The following GALNT13 variants were observed in gnomAD, a reference collection of about 807,000 sequenced individuals.
The protein encoded by GALNT13 is polypeptide N-acetylgalactosaminyltransferase 13.
GALNT13 carries 28 observed loss-of-function variants against 64.2 expected under a neutral mutation model. The ratio of observed to expected loss-of-function variants is 0.44; its 90% CI spans 0.32 to 0.60. The LOEUF (loss-of-function observed/expected upper bound fraction) is 0.60. Ranked by LOEUF, GALNT13 falls within the 20% of genes least tolerant of loss-of-function variation. The pLI is 0.05. For missense variants in GALNT13, 577 were observed against 669.8 expected (o/e 0.86, Z 1.53); for synonymous variants, 214 against 224.6 (o/e 0.95, Z 0.42).
At chr2:154,237,551 T>G (rs1164472317) in intron 4 of GALNT13, among the ~76,000 whole-genome samples, 3 of 147,666 alleles carry the variant, frequency 2.0e-5, no homozygotes, top group African/African-American at 7.4e-5. Context: ...ATATTATATA[T>G]AACATGTTAG....
At chr2:154,000,467 T>A (rs932342125) in intron 3 of GALNT13, among the ~76,000 whole-genome samples, 1 of 152,036 alleles carries the variant, frequency 6.6e-6, no homozygotes, top group African/African-American at 2.4e-5. Context: ...CTCATAGAAC[T>A]ATTTTTGCTG....
chr2:153,690,891 C>T, the GALNT13 span, among the ~76,000 whole-genome samples: 2 of 152,050 alleles, frequency 1.3e-5, no homozygotes, highest in Admixed American at 1.3e-4. Context: ...TAGAATAATA[C>T]CCTCCAGACC....
At chr2:153,416,224 G>A in the GALNT13 span, among the ~76,000 whole-genome samples, 3 of 152,254 alleles carry the variant, frequency 2.0e-5, no homozygotes, top group South Asian at 6.2e-4. Flanking sequence ...CTTTGAAAAA[G>A]GCAATGTCCA....
At chr2:154,449,582 A>G (rs1214775037) in intron 12 of GALNT13, among the ~76,000 whole-genome samples, 1 of 151,774 alleles carries the variant, frequency 6.6e-6, no homozygotes, top group African/African-American at 2.4e-5. Context: ...TTCATATAAT[A>G]TGATCCTAGG....
Position 154,425,620 on chromosome 2 carries a change from A to G in GALNT13, c.1396-12972A>G, listed in dbSNP as rs536726737. ...TAAGGAATGATCCAGTTGAGAAAAC[A>G]TAGGCGAATATACCATCAATAGAAA... On this transcript the variant is annotated intron_variant, in intron 11 of 12. Transcript: ENST00000392825. Among the ~76,000 whole-genome samples, 12 of 152,348 alleles carry G rather than the reference A, an allele frequency of 7.9e-5. No homozygotes were observed. The East Asian group carries it at 2.1e-3, about 27-fold the overall frequency.
the GALNT13 span, among the ~76,000 whole-genome samples, chr2:153,275,415 C>T: frequency 6.6e-6 from 1 of 152,096 alleles, no homozygotes; most frequent in African/African-American, 2.4e-5. Flanking sequence ...GGATTAGGTG[C>T]CCTTATAAAG....
chr2:153,255,606 G>A, the GALNT13 span, among the ~76,000 whole-genome samples: 68,515 of 151,552 alleles, frequency 0.45, 15,951 homozygotes, highest in Non-Finnish European at 0.5. Flanking sequence ...GGCTGGTACC[G>A]GTTGTTCCTT....
At chr2:154,435,583 A>G (rs1322519888) in intron 11 of GALNT13, among the ~76,000 whole-genome samples, 1 of 152,204 alleles carries the variant, frequency 6.6e-6, no homozygotes, top group Non-Finnish European at 1.5e-5. Context: ...ATTATCAGAA[A>G]CATCTGTCAT....
chr2:154,230,424 G>C (rs1347425284), intron 4 of GALNT13, among the ~76,000 whole-genome samples: 1 of 151,932 alleles, frequency 6.6e-6, no homozygotes, highest in Admixed American at 6.6e-5. Context: ...AAAAATTCCT[G>C]TTCCAAAACA....
chr2:154,134,901 G>A (rs551161206), intron 3 of GALNT13, among the ~76,000 whole-genome samples: 9 of 152,248 alleles, frequency 5.9e-5, no homozygotes, highest in South Asian at 4.1e-4. Context: ...CACAAGAATC[G>A]CTTGAACCCA....
intron 1 of GALNT13, among the ~76,000 whole-genome samples, chr2:153,894,553 TAAAAG>T (rs1687768552): frequency 6.6e-6 from 1 of 151,696 alleles, no homozygotes; most frequent in African/African-American, 2.4e-5. Context: ...AAGGTCAAAT[TAAAAG>T]AGAGAGAGAG....
At chr2:153,499,740 G>A in the GALNT13 span, among the ~76,000 whole-genome samples, 274 of 152,312 alleles carry the variant, frequency 1.8e-3, no homozygotes, top group African/African-American at 6.0e-3. Flanking sequence ...GTAGTGACAG[G>A]GCCCAGGCTT....
At chr2:153,479,944 T>G in the GALNT13 span, among the ~76,000 whole-genome samples, 1 of 152,296 alleles carries the variant, frequency 6.6e-6, no homozygotes, top group Non-Finnish European at 1.5e-5. Flanking sequence ...ACTCCCTGCC[T>G]TCCTCCCTCT....
the GALNT13 span, among the ~76,000 whole-genome samples, chr2:153,203,969 G>T: frequency 6.6e-6 from 1 of 152,158 alleles, no homozygotes; most frequent in Non-Finnish European, 1.5e-5. Context: ...GAGAGTATGA[G>T]AAATTTTAGC....
chr2:154,064,516 TG>T (rs1192344808), intron 3 of GALNT13, among the ~76,000 whole-genome samples: 1 of 152,108 alleles, frequency 6.6e-6, no homozygotes, highest in Non-Finnish European at 1.5e-5. Context: ...AAGAGTACTT[TG>T]TCTTGGAACT....
intron 8 of GALNT13, among the ~76,000 whole-genome samples, chr2:154,298,794 AT>A (rs1290974619): frequency 3.6e-5 from 4 of 111,266 alleles, no homozygotes; most frequent in Non-Finnish European, 6.9e-5. Flanking sequence ...ATATTATATT[AT>A]TTATATATAA....
intron 1 of GALNT13, among the ~76,000 whole-genome samples, chr2:153,896,759 C>A (rs1197019764): frequency 2.6e-5 from 4 of 151,960 alleles, no homozygotes; most frequent in Non-Finnish European, 4.4e-5. Context: ...CAAGTAGGAC[C>A]CAGTGTCTGT....
At chr2:153,205,642 T>C in the GALNT13 span, among the ~76,000 whole-genome samples, 3 of 152,222 alleles carry the variant, frequency 2.0e-5, no homozygotes, top group East Asian at 5.8e-4. Context: ...CAATGAATTC[T>C]TTTTTATTCT....
chr2:153,975,350 T>C (rs1694009465), intron 3 of GALNT13, among the ~76,000 whole-genome samples: 1 of 152,088 alleles, frequency 6.6e-6, no homozygotes, highest in African/African-American at 2.4e-5. Flanking sequence ...CAGTTGATTC[T>C]AATATGCATC....
Sources: gnomAD v4.1 joint callset for allele counts (sites outside exome capture counted in the v4.1 genomes callset) on GRCh38, gnomAD v4.1.1 for gene constraint, MANE v1.5 for transcripts, NCBI Gene and HGNC (gene_info 2026-07-23, HGNC 2026-07-21) for gene names.